TBX15: variants seen among roughly 807,000 people sequenced by gnomAD.
TBX15 encodes the protein T-box transcription factor 15, also known as T-box transcription factor TBX15.
Under a neutral mutation model 53.9 loss-of-function variants are expected in TBX15, and 18 were observed. The ratio of observed to expected loss-of-function variants is 0.33; its 90% CI spans 0.23 to 0.49. TBX15 has a LOEUF of 0.49. Among genes scored for constraint, TBX15 ranks in the 20% least tolerant of loss-of-function variants. The probability of loss-of-function intolerance (pLI) is 0.98; values close to 1 mark genes in which losing one functional copy is unlikely to be tolerated. For synonymous variants in TBX15, 295 were observed against 278.0 expected, an observed-to-expected ratio of 1.06 and a Z score of -0.61; for missense variants, 692 against 749.5, an observed-to-expected ratio of 0.92 and a Z score of 0.90.
chr1:118,941,371 T>C (rs1656170634), intron 1 of TBX15, among the ~76,000 whole-genome samples: 1 of 152,202 alleles, frequency 6.6e-6, no homozygotes, highest in Non-Finnish European at 1.5e-5. Context: ...GTAATTTAAC[T>C]ATGACTTCTG....
At chr1:118,984,047 G>A (rs1454911022) in intron 1 of TBX15, among the ~76,000 whole-genome samples, 1 of 152,270 alleles carries the variant, frequency 6.6e-6, no homozygotes, top group African/African-American at 2.4e-5. Flanking sequence ...TAAACTGGCA[G>A]ATTAATTCAT....
chr1:118,890,942 A>G, intron 7 of TBX15: 2 of 1,304,122 alleles, frequency 1.5e-6, no homozygotes, highest in Non-Finnish European at 2.0e-6. Context: ...TTCACTGTGT[A>G]TCCTTGAGAA....
intron 1 of TBX15, among the ~76,000 whole-genome samples, chr1:118,957,893 A>C (rs954395955): frequency 1.3e-4 from 20 of 152,178 alleles, no homozygotes; most frequent in Non-Finnish European, 2.8e-4. Context: ...TGGGTTGGTT[A>C]CAAGTCTTTG....
chr1:118,948,360 T>C (rs1656408555), intron 1 of TBX15, among the ~76,000 whole-genome samples: 1 of 151,790 alleles, frequency 6.6e-6, no homozygotes, highest in African/African-American at 2.4e-5. Context: ...ATGGCCAAAT[T>C]GCTCTAATTA....
At chr1:118,979,852 G>C (rs565271223) in intron 1 of TBX15, among the ~76,000 whole-genome samples, 1 of 152,176 alleles carries the variant, frequency 6.6e-6, no homozygotes, top group Admixed American at 6.5e-5. Context: ...GAGGCGAGGC[G>C]GTGGGGCCAG....
At chr1:118,891,572 A>AT (rs1396118208) in intron 7 of TBX15, among the ~76,000 whole-genome samples, 5 of 152,138 alleles carry the variant, frequency 3.3e-5, no homozygotes, top group Admixed American at 6.6e-5. Context: ...AAAGCATCAT[A>AT]TTCCCCCCTA....
intron 1 of TBX15, among the ~76,000 whole-genome samples, chr1:118,952,581 G>A (rs1320503704): frequency 3.3e-5 from 5 of 151,856 alleles, no homozygotes; most frequent in African/African-American, 1.2e-4. Flanking sequence ...TACAATCCTG[G>A]GCCAACCATC....
In TBX15 at chr1:118,942,669, G is replaced by A. The variant is rs116287421; in HGVS notation, c.206-10837C>T. ...CAAACTGAGTGGCGAGGTCTGACCCGAAATCTTTCAGGGGTTTCAACTGAG... is the reference window on the plus strand; with the variant it reads ...CAAACTGAGTGGCGAGGTCTGACCCAAAATCTTTCAGGGGTTTCAACTGAG... On this transcript the variant is annotated intron_variant, in intron 1 of 7. Transcript: ENST00000369429. Among the ~76,000 whole-genome samples, 377 of 152,250 alleles carry A rather than the reference G, an allele frequency of 2.5e-3. 3 individuals carry two copies. The highest frequency in any genetic ancestry group is 8.7e-3 in the African/African-American group (361 of 41,546).
chr1:118,886,257 C>A (rs557639177), intron 7 of TBX15, among the ~76,000 whole-genome samples: 1 of 152,264 alleles, frequency 6.6e-6, no homozygotes, highest in Non-Finnish European at 1.5e-5. Context: ...TTCTCAGAGA[C>A]TGGAATAAAG....
intron 1 of TBX15, among the ~76,000 whole-genome samples, chr1:118,967,007 C>T (rs987882315): frequency 2.6e-5 from 4 of 152,144 alleles, no homozygotes; most frequent in African/African-American, 9.7e-5. Context: ...TTAATTGCCA[C>T]ACATGTTAAT....
At chr1:118,974,334 T>G (rs1419985984) in intron 1 of TBX15, among the ~76,000 whole-genome samples, 1 of 152,174 alleles carries the variant, frequency 6.6e-6, no homozygotes, top group Non-Finnish European at 1.5e-5. Flanking sequence ...TTTACATCTT[T>G]CTCTTTTTTG....
intron 1 of TBX15, among the ~76,000 whole-genome samples, chr1:118,961,521 A>T (rs1656872894): frequency 6.6e-6 from 1 of 152,198 alleles, no homozygotes; most frequent in South Asian, 2.1e-4. Flanking sequence ...TACTATGTAA[A>T]ATTCAGGTTC....
At chr1:118,912,897 T>G (rs927235798) in intron 6 of TBX15, among the ~76,000 whole-genome samples, 1 of 152,210 alleles carries the variant, frequency 6.6e-6, no homozygotes. Flanking sequence ...TGCTCAATTT[T>G]GTTGTCTACA....
chr1:118,952,112 A>C (rs1656534840), intron 1 of TBX15, among the ~76,000 whole-genome samples: 1 of 152,224 alleles, frequency 6.6e-6, no homozygotes, highest in African/African-American at 2.4e-5. Flanking sequence ...AACAATAAGG[A>C]TGAAGGCCTG....
chr1:118,934,890 T>G (rs1427819909), intron 1 of TBX15, among the ~76,000 whole-genome samples: 1 of 152,238 alleles, frequency 6.6e-6, no homozygotes, highest in Non-Finnish European at 1.5e-5. Flanking sequence ...TTCTAGATTT[T>G]CACTCTCTCA....
intron 2 of TBX15, among the ~76,000 whole-genome samples, chr1:118,928,078 A>G (rs1355882829): frequency 6.6e-6 from 1 of 152,150 alleles, no homozygotes; most frequent in Non-Finnish European, 1.5e-5. Flanking sequence ...TCTTGCAAAT[A>G]TGTACTGGTT....
intron 6 of TBX15, among the ~76,000 whole-genome samples, chr1:118,913,652 A>C (rs534969560): frequency 6.6e-6 from 1 of 152,314 alleles, no homozygotes; most frequent in South Asian, 2.1e-4. Context: ...TATATTTTGG[A>C]ACTATTTCCC....
chr1:118,907,758 G>A (rs1344494197), intron 6 of TBX15, among the ~76,000 whole-genome samples: 2 of 152,126 alleles, frequency 1.3e-5, no homozygotes, highest in Non-Finnish European at 2.9e-5. Flanking sequence ...CCATTGGGGT[G>A]GCCAACCTCA....
At chr1:118,977,095 T>C (rs141968906) in intron 1 of TBX15, among the ~76,000 whole-genome samples, 97 of 152,282 alleles carry the variant, frequency 6.4e-4, no homozygotes, top group African/African-American at 2.2e-3. Context: ...TTGAGGGTGA[T>C]TAACTAACTT....
Sources: gnomAD v4.1 joint callset for allele counts (sites outside exome capture counted in the v4.1 genomes callset) on GRCh38, gnomAD v4.1.1 for gene constraint, MANE v1.5 for transcripts, NCBI Gene and HGNC (gene_info 2026-07-23, HGNC 2026-07-21) for gene names.